Variants in DDX42 observed in about 807,000 individuals in gnomAD.
The protein encoded by DDX42 is ATP-dependent RNA helicase DDX42.
A neutral mutation model predicts 101.5 loss-of-function variants in DDX42; 22 were observed. That is an observed-to-expected ratio of 0.22 (90% CI 0.15 to 0.31). The LOEUF (loss-of-function observed/expected upper bound fraction) is 0.31. Among genes scored for constraint, DDX42 ranks in the 10% least tolerant of loss-of-function variants. The pLI, the probability that DDX42 is intolerant of heterozygous loss-of-function variation, is 1.00. For synonymous variants in DDX42, 402 were observed against 401.2 expected, an observed-to-expected ratio of 1.00 and a Z score of -0.02; for missense variants, 849 against 1,199.9, an observed-to-expected ratio of 0.71 and a Z score of 4.32.
chr17:63,806,597 A>G lies in DDX42; in HGVS notation c.789A>G (p.Gln263=), dbSNP rs773445115. 3 of 1,613,586 alleles carry G rather than the reference A, an allele frequency of 1.9e-6. No homozygotes were observed. The highest frequency in any genetic ancestry group is 1.1e-5 in the South Asian group (1 of 90,936). Reference sequence around the variant, plus strand: ...TTGCTCATTTTGGGTTTGACGAACAACTTATGCACCAGATTCGGAAATCTG... The same window carrying G: ...TTGCTCATTTTGGGTTTGACGAACAGCTTATGCACCAGATTCGGAAATCTG... ...SSFAHFGFDE[Q]LMHQIRKSEY... is the part of the protein sequence containing the mutation. Residue 263 remains glutamine, a synonymous_variant, in exon 8 of 18, where the codon CAA becomes CAG. Coordinates refer to ENST00000389924, the MANE Select transcript of DDX42 (RefSeq NM_203499.3).
At chr17:63,810,859 C>A (rs926607914) in intron 12 of DDX42, among the ~76,000 whole-genome samples, 1 of 152,122 alleles carries the variant, frequency 6.6e-6, no homozygotes, top group Non-Finnish European at 1.5e-5. Context: ...AATCAAGAGT[C>A]TTTTTCTGAA....
chr17:63,797,972 A>G, intron 3 of DDX42, 66 bp from the exon 4 acceptor site: 2 of 1,478,146 alleles, frequency 1.4e-6, no homozygotes, highest in South Asian at 1.2e-5. Context: ...ACTTGTTCCA[A>G]TCTAAAAATT....
chr17:63,790,895 T>A (rs897750042), intron 2 of DDX42, among the ~76,000 whole-genome samples: 1 of 152,208 alleles, frequency 6.6e-6, no homozygotes, highest in Admixed American at 6.5e-5. Flanking sequence ...ATCACGCCGC[T>A]GCACTGCAGC....
At chr17:63,789,422 C>T (rs917452789) in intron 2 of DDX42, among the ~76,000 whole-genome samples, 6 of 151,756 alleles carry the variant, frequency 4.0e-5, no homozygotes, top group African/African-American at 1.5e-4. Context: ...CTTTGTTGCC[C>T]GGGCTGGTCT....
intron 5 of DDX42, chr17:63,800,192 A>G (rs899393193): frequency 1.4e-5 from 5 of 357,062 alleles, no homozygotes; most frequent in African/African-American, 2.1e-5. Context: ...GGGTTGATAG[A>G]CACCCCACTC....
chr17:63,798,525 G>A (rs1338853278), intron 4 of DDX42, among the ~76,000 whole-genome samples: 1 of 152,160 alleles, frequency 6.6e-6, no homozygotes, highest in Non-Finnish European at 1.5e-5. Flanking sequence ...AACAACACAG[G>A]TTTGAACTGC....
chr17:63,801,870 C>T (rs2039774446), intron 6 of DDX42, among the ~76,000 whole-genome samples: 1 of 152,104 alleles, frequency 6.6e-6, no homozygotes, highest in Non-Finnish European at 1.5e-5. Context: ...GGAATGAGGA[C>T]ATCGGTATAC....
chr17:63,814,671 T>C (rs970765036), intron 15 of DDX42, among the ~76,000 whole-genome samples: 2 of 143,040 alleles, frequency 1.4e-5, no homozygotes, highest in Non-Finnish European at 3.0e-5. Context: ...CCCAGAGACA[T>C]TTGCTTTTTT....
Position 63,813,476 on chromosome 17 carries a change from C to G in DDX42, c.1902+22C>G, listed in dbSNP as rs767235219. On this transcript the variant is annotated intron_variant, in intron 15 of 17. Coordinates refer to ENST00000389924, the MANE Select transcript of DDX42 (RefSeq NM_203499.3). ...GCAGGTGAGGGGCTGGGCACACTTT[C>G]AATTGCTCCTGGTTATAAGACCAAG... The G allele has an allele frequency of 3.8e-6, 6 of 1,599,778 alleles. No homozygotes were observed. In the African/African-American group the frequency reaches 4.0e-5, roughly 11 times the overall value.
rs145932119 is a variant in DDX42 at position 63,818,068 on chromosome 17, C to T, written c.2487C>T (p.Ser829=). ...HSHGETGNRH[S]DSPRHGDGGR... is the part of the protein sequence containing the mutation. ...ACGGAGAGACTGGCAATCGGCATAG[C>T]GATAGTCCACGTCACGGAGATGGTG... The change falls in exon 18 of 18, where the codon AGC becomes AGT. Residue 829 remains serine (S), a synonymous_variant. Transcript: ENST00000389924. 3.7e-5 allele frequency: 60 copies of T among 1,613,806 alleles called. No individual in the cohort carries two copies. The highest frequency in any genetic ancestry group is 4.7e-5 in the Non-Finnish European group (55 of 1,180,012).
rs774973460 is a variant in DDX42, at chr17:63,818,300, A to C, written c.2719A>C (p.Ser907Arg). The change falls in exon 18 of 18, where the codon AGC becomes CGC. Residue 907 changes from serine (S) to arginine (R), a missense_variant. By Grantham distance (110) the Ser-to-Arg change is moderately radical. This residue lies in a region of DDX42 where 300 missense variants were observed against 304.9 expected (regional missense o/e 0.98). Coordinates refer to ENST00000389924, the MANE Select transcript of DDX42 (RefSeq NM_203499.3). ...EPKMEPKVDS[S>R]KMDKVDSKTD... ...CAAGATGGAACCCAAAGTGGACAGC[A>C]GCAAGATGGACAAGGTGGACAGCAA... is the stretch of plus-strand genomic sequence containing the variant. 1.9e-6 allele frequency: 3 copies of C among 1,614,102 alleles called. No individual in the cohort carries two copies. The South Asian group carries it at 3.3e-5, about 18-fold the overall frequency.
intron 1 of DDX42, among the ~76,000 whole-genome samples, chr17:63,780,116 G>A (rs1019054687): frequency 1.3e-5 from 2 of 152,146 alleles, no homozygotes; most frequent in Admixed American, 6.5e-5. Flanking sequence ...GACCAACATG[G>A]AGAAACCCCA....
rs1482987399 is a variant in DDX42, at chr17:63,807,865, G to C, written c.988G>C (p.Val330Leu). Residue 330 changes from valine to leucine, a missense_variant, in exon 9 of 18, where the codon GTG becomes CTG. Coordinates refer to ENST00000389924, the MANE Select transcript of DDX42 (RefSeq NM_203499.3). ...ELEPGDGPIA[V>L]IVCPTRELCQ... ...GGAACCAGGTGATGGACCAATTGCA[G>C]TGATTGTGTGTCCTACCAGGGAGCT... 2 of 1,613,964 alleles carry C rather than the reference G, an allele frequency of 1.2e-6. No homozygotes were observed. The highest frequency in any genetic ancestry group is 1.3e-5 in the African/African-American group (1 of 75,048).
At chr17:63,810,287 A>T in intron 11 of DDX42, 3 of 176,284 alleles carry the variant, frequency 1.7e-5, no homozygotes, top group Non-Finnish European at 3.2e-5. Context: ...TTTTTAGTAG[A>T]GATAGCTGTG....
intron 3 of DDX42, among the ~76,000 whole-genome samples, chr17:63,794,429 C>T (rs1299088808): frequency 6.6e-6 from 1 of 151,902 alleles, no homozygotes; most frequent in East Asian, 1.9e-4. Flanking sequence ...GTAGTTCCAG[C>T]TACTTGAGAG....
intron 3 of DDX42, among the ~76,000 whole-genome samples, chr17:63,792,935 G>C (rs1278336590): frequency 6.6e-6 from 1 of 152,104 alleles, no homozygotes; most frequent in African/African-American, 2.4e-5. Context: ...TATAAATTCT[G>C]TATTCTGTAG....
chr17:63,790,462 T>G (rs977438194), intron 2 of DDX42, among the ~76,000 whole-genome samples: 5 of 151,932 alleles, frequency 3.3e-5, no homozygotes, highest in African/African-American at 1.2e-4. Flanking sequence ...CCGTCTCTAC[T>G]AAAAATACAA....
rs757297950 is a variant in DDX42, at chr17:63,818,169, G to A, written c.2588G>A (p.Arg863Lys). ...GATGGCCATCGGCACGGGGAGAACAGACATGGAGGAAGCGCAGGCCGGCAT... is the reference window on the plus strand; with the variant it reads ...GATGGCCATCGGCACGGGGAGAACAAACATGGAGGAAGCGCAGGCCGGCAT... ...HTDGHRHGEN[R>K]HGGSAGRHGE... The change falls in exon 18 of 18, where the codon AGA becomes AAA. Residue 863 changes from arginine (R) to lysine (K), a missense_variant. Around this residue, in one of 5 missense-constraint regions of DDX42, gnomAD observed 300 missense variants for 304.9 expected, o/e 0.98. Coordinates refer to ENST00000389924, the MANE Select transcript of DDX42 (RefSeq NM_203499.3). The A allele has an allele frequency of 6.2e-7, 1 of 1,613,944 alleles. No homozygotes were observed. Among genetic ancestry groups the A allele is most frequent in the Non-Finnish European group, 8.5e-7 (1 of 1,180,044 alleles).
At chr17:63,810,454 TC>T in intron 11 of DDX42, 58 bp from the exon 12 acceptor site, 2 of 1,575,108 alleles carry the variant, frequency 1.3e-6, no homozygotes, top group South Asian at 1.1e-5. Context: ...TATGGCTTTT[TC>T]CAGGCTTCCC....
Sources: allele counts gnomAD v4.1 joint callset (sites outside exome capture counted in the v4.1 genomes callset), GRCh38; gene constraint gnomAD v4.1.1; regional missense constraint gnomAD v4.1.1; transcripts MANE v1.5; gene names NCBI Gene and HGNC (gene_info 2026-07-23, HGNC 2026-07-21).